MBD5: variants seen among roughly 807,000 people sequenced by gnomAD.
MBD5 encodes methyl-CpG-binding domain protein 5.
MBD5 carries 13 observed loss-of-function variants against 117.3 expected under a neutral mutation model. The observed-to-expected ratio is 0.11, with a 90% CI of 0.07 to 0.18. MBD5 has a LOEUF of 0.18. Among genes scored for constraint, MBD5 ranks in the 10% least tolerant of loss-of-function variants. MBD5 has a pLI of 1.00. For synonymous variants in MBD5, 727 were observed against 766.4 expected (o/e 0.95, Z 0.85); for missense variants, 1,879 against 2,093.8 (o/e 0.90, Z 2.00).
At chr2:148,105,038 A>C (rs1013534649) in intron 1 of MBD5, among the ~76,000 whole-genome samples, 1 of 152,012 alleles carries the variant, frequency 6.6e-6, no homozygotes, top group Admixed American at 6.6e-5. Flanking sequence ...TTTCTTTCAT[A>C]GTATTATTCA....
At chr2:148,490,751 G>A in intron 11 of MBD5, 157 bp downstream of exon 11, 1 of 869,032 alleles carries the variant, frequency 1.2e-6, no homozygotes, top group Non-Finnish European at 1.8e-6. Context: ...ATGAAGAGGG[G>A]ATGGTTATAG....
intron 1 of MBD5, among the ~76,000 whole-genome samples, chr2:148,167,221 A>C (rs1261556267): frequency 1.3e-5 from 2 of 152,156 alleles, no homozygotes; most frequent in South Asian, 4.1e-4. Flanking sequence ...ATTTATTAAA[A>C]ATCTTTTTCT....
intron 4 of MBD5, among the ~76,000 whole-genome samples, chr2:148,400,322 G>T (rs1281980137): frequency 6.6e-6 from 1 of 151,968 alleles, no homozygotes; most frequent in Non-Finnish European, 1.5e-5. Context: ...AGCAGGGTTA[G>T]CACCTAAGAC....
chr2:148,412,268 C>CTTTTTT (rs1191831742), intron 4 of MBD5, among the ~76,000 whole-genome samples: 3 of 92,982 alleles, frequency 3.2e-5, no homozygotes, highest in African/African-American at 1.6e-4. Context: ...TTGTAGTATA[C>CTTTTTT]TTTTTGTGTG....
intron 1 of MBD5, among the ~76,000 whole-genome samples, chr2:148,053,589 C>T (rs1329487594): frequency 6.6e-6 from 1 of 151,916 alleles, no homozygotes; most frequent in Non-Finnish European, 1.5e-5. Flanking sequence ...TTATCTTTAA[C>T]AGTATATTTA....
intron 1 of MBD5, among the ~76,000 whole-genome samples, chr2:148,085,443 G>A (rs937157104): frequency 3.3e-5 from 5 of 152,120 alleles, no homozygotes; most frequent in African/African-American, 7.2e-5. Context: ...GTTTTGGAGC[G>A]GCCGGGCGCG....
chr2:148,139,345 TA>T (rs1217410769), intron 1 of MBD5, among the ~76,000 whole-genome samples: 1 of 152,148 alleles, frequency 6.6e-6, no homozygotes, highest in Non-Finnish European at 1.5e-5. Flanking sequence ...TAGCTGGGAT[TA>T]CAGGCATGCG....
At chr2:148,261,418 C>T (rs1361129861) in intron 3 of MBD5, among the ~76,000 whole-genome samples, 1 of 152,214 alleles carries the variant, frequency 6.6e-6, no homozygotes, top group Admixed American at 6.5e-5. Context: ...TACTGCTTCA[C>T]TTCGCACTTT....
intron 1 of MBD5, among the ~76,000 whole-genome samples, chr2:148,024,761 A>G (rs572041825): frequency 6.6e-6 from 1 of 152,346 alleles, no homozygotes; most frequent in Non-Finnish European, 1.5e-5. Context: ...CAGTTTGGCA[A>G]AAGTGATATA....
At chr2:148,488,529 G>T (rs1429255435) in intron 10 of MBD5, among the ~76,000 whole-genome samples, 1 of 151,958 alleles carries the variant, frequency 6.6e-6, no homozygotes, top group Non-Finnish European at 1.5e-5. Context: ...AGGCTGATGT[G>T]TCGACAGATC....
Position 148,458,513 on chromosome 2 carries a change from TGTA to T in MBD5, c.-244_-242del. The T allele has an allele frequency of 1.7e-6, 1 of 599,218 alleles. No individual in the cohort carries two copies. The allele number at this position is 599,218 out of a possible 1,614,324, so 37.1% of individuals were successfully genotyped here. ...AGTCAGAAGCACTCATTTTTACCCA[TGTA>T]GACCATCCTTAGGAATTAAATATTG... On this transcript the variant is annotated 5_prime_UTR_variant, in exon 5 of 14. It removes the in-frame stop codon of an upstream open reading frame in the 5' UTR. Coordinates refer to ENST00000642680, the MANE Select transcript of MBD5 (RefSeq NM_001378120.1).
chr2:148,068,253 G>A (rs1695259297), intron 1 of MBD5, among the ~76,000 whole-genome samples: 1 of 152,168 alleles, frequency 6.6e-6, no homozygotes, highest in Non-Finnish European at 1.5e-5. Flanking sequence ...CATGGAACCT[G>A]CAGAGACTCC....
At chr2:148,187,239 GA>G (rs1299029193) in intron 2 of MBD5, among the ~76,000 whole-genome samples, 2 of 151,818 alleles carry the variant, frequency 1.3e-5, no homozygotes, top group African/African-American at 4.8e-5. Flanking sequence ...GTCTAAAAAC[GA>G]GTAAGTAAAG....
At chr2:148,378,967 A>T (rs1704060664) in intron 4 of MBD5, among the ~76,000 whole-genome samples, 1 of 152,042 alleles carries the variant, frequency 6.6e-6, no homozygotes, top group Non-Finnish European at 1.5e-5. Context: ...AATGACACAG[A>T]ACATAGCATA....
intron 5 of MBD5, among the ~76,000 whole-genome samples, chr2:148,462,021 A>G (rs1337100433): frequency 6.6e-6 from 1 of 152,084 alleles, no homozygotes; most frequent in African/African-American, 2.4e-5. Context: ...CTGATCTATT[A>G]TATCTTTAAA....
chr2:148,231,773 A>G (rs1297380084), intron 2 of MBD5, among the ~76,000 whole-genome samples: 1 of 152,218 alleles, frequency 6.6e-6, no homozygotes, highest in East Asian at 1.9e-4. Flanking sequence ...GCATAATTAT[A>G]GTATATGTAC....
chr2:148,400,282 A>G (rs1049281397), intron 4 of MBD5, among the ~76,000 whole-genome samples: 5 of 152,182 alleles, frequency 3.3e-5, no homozygotes, highest in African/African-American at 9.7e-5. Context: ...AATATACAAA[A>G]TAAATTAAAG....
intron 1 of MBD5, among the ~76,000 whole-genome samples, chr2:148,040,326 C>T (rs1349287995): frequency 1.3e-5 from 2 of 152,116 alleles, no homozygotes; most frequent in Non-Finnish European, 2.9e-5. Flanking sequence ...GACTGCACTC[C>T]AGCCTTTCAT....
At chr2:148,485,500 G>C (rs1049960793) in intron 9 of MBD5, 1 of 496,888 alleles carries the variant, frequency 2.0e-6, no homozygotes, top group Non-Finnish European at 3.6e-6. Flanking sequence ...CTAATGAATA[G>C]AGCAAAGACT....
Sources: allele counts gnomAD v4.1 joint callset (sites outside exome capture counted in the v4.1 genomes callset), GRCh38; gene constraint gnomAD v4.1.1; transcripts MANE v1.5; gene names NCBI Gene and HGNC (gene_info 2026-07-23, HGNC 2026-07-21).